The following HSPA12A variants were observed in gnomAD, a reference collection of about 807,000 sequenced individuals.
HSPA12A encodes the protein heat shock protein family A (Hsp70) member 12A, also known as heat shock 70 kDa protein 12A.
A neutral mutation model predicts 69.2 loss-of-function variants in HSPA12A; 28 were observed. That is an observed-to-expected ratio of 0.40 (90% CI 0.30 to 0.55). The LOEUF is 0.55. Among genes scored for constraint, HSPA12A ranks in the 20% least tolerant of loss-of-function variants. The pLI, the probability that HSPA12A is intolerant of heterozygous loss-of-function variation, is 0.38. For synonymous variants in HSPA12A, 345 were observed against 370.5 expected (o/e 0.93, Z 0.79); for missense variants, 686 against 900.7 (o/e 0.76, Z 3.05).
At position 116,723,338 on chromosome 10, in the gene HSPA12A, C is replaced by T. The variant is rs560750854; in HGVS notation, c.41-16053G>A. Among the ~76,000 whole-genome samples the T allele has an allele frequency of 5.9e-5, 9 of 152,226 alleles. No individual in the cohort carries two copies. In the East Asian group the frequency reaches 1.5e-3, roughly 26 times the overall value. ...GGCTGTCTGCAGGGAGAGAGGGGCC[C>T]GCTGACCTTCACGTGGGAGGATTTG... On this transcript the variant is annotated intron_variant, in intron 1 of 11. Transcript: ENST00000369209. The surrounding 1 kb of genome is among the most constrained non-coding windows in gnomAD (Gnocchi z 4.1).
chr10:116,716,922 T>C (rs900273744), intron 1 of HSPA12A, among the ~76,000 whole-genome samples: 2 of 152,172 alleles, frequency 1.3e-5, no homozygotes, highest in Non-Finnish European at 2.9e-5. Context: ...GGGTCAGATA[T>C]TCATGCGTTT....
chr10:116,837,136 A>G (rs1202362653), intron 1 of HSPA12A, among the ~76,000 whole-genome samples: 2 of 152,248 alleles, frequency 1.3e-5, no homozygotes, highest in African/African-American at 4.8e-5. Context: ...AGCTTTATTA[A>G]ATAGTCATTG....
intron 2 of HSPA12A, among the ~76,000 whole-genome samples, chr10:116,780,834 G>A (rs112977769): frequency 0.034 from 5,172 of 152,276 alleles, 161 homozygotes; most frequent in Non-Finnish European, 0.045. Context: ...TATGGGTGAC[G>A]AGTCACAGGC....
At chr10:116,777,205 C>A (rs1476207066) in intron 2 of HSPA12A, among the ~76,000 whole-genome samples, 9 of 152,216 alleles carry the variant, frequency 5.9e-5, no homozygotes, top group Admixed American at 5.9e-4. Context: ...GTGGTCCCCC[C>A]ACATCTGAGG....
intron 2 of HSPA12A, among the ~76,000 whole-genome samples, chr10:116,795,665 A>C (rs1446712608): frequency 7.3e-6 from 1 of 136,606 alleles, no homozygotes; most frequent in African/African-American, 2.7e-5. Context: ...CAGCATGGGC[A>C]ACAGTGAGAT....
chr10:116,834,882 GCAGTTATTT>G, intron 2 of HSPA12A: 1 of 991,826 alleles, frequency 1.0e-6, no homozygotes, highest in East Asian at 3.3e-5. Context: ...AGGTTCTGGG[GCAGTTATTT>G]CAGATGCCAG....
chr10:116,732,140 G>A (rs1851170476), intron 1 of HSPA12A, among the ~76,000 whole-genome samples: 1 of 151,940 alleles, frequency 6.6e-6, no homozygotes, highest in Admixed American at 6.6e-5. Context: ...AGACCAGCCT[G>A]GCCAACGTGA....
intron 2 of HSPA12A, among the ~76,000 whole-genome samples, chr10:116,790,855 T>A (rs571403991): frequency 1.3e-5 from 2 of 151,918 alleles, no homozygotes; most frequent in Non-Finnish European, 2.9e-5. Context: ...CACACACACC[T>A]AATTTTTGTA....
chr10:116,754,899 T>C (rs1843798110), intron 2 of HSPA12A, among the ~76,000 whole-genome samples: 1 of 152,232 alleles, frequency 6.6e-6, no homozygotes, highest in African/African-American at 2.4e-5. Flanking sequence ...TAGAAAACAC[T>C]GACCAGTTAG....
chr10:116,787,018 G>A (rs576441067), intron 2 of HSPA12A, among the ~76,000 whole-genome samples: 5 of 135,760 alleles, frequency 3.7e-5, no homozygotes, highest in African/African-American at 5.7e-5. Context: ...ATACACACAC[G>A]CACGCACTCA....
chr10:116,811,730 C>T (rs750690483), intron 2 of HSPA12A, among the ~76,000 whole-genome samples: 13 of 152,180 alleles, frequency 8.5e-5, no homozygotes, highest in Non-Finnish European at 1.3e-4. Context: ...GCCTGCGCTC[C>T]GTAGGGCTCT....
At chr10:116,702,027 G>A (rs1323556060) in intron 3 of HSPA12A, among the ~76,000 whole-genome samples, 2 of 152,068 alleles carry the variant, frequency 1.3e-5, no homozygotes, top group Non-Finnish European at 2.9e-5. Context: ...CAGCACTCTG[G>A]GGGGCCAAGG....
At chr10:116,720,689 A>G (rs782190907) in intron 1 of HSPA12A, among the ~76,000 whole-genome samples, 1 of 152,238 alleles carries the variant, frequency 6.6e-6, no homozygotes, top group Admixed American at 6.5e-5. Flanking sequence ...CACCTTTGAC[A>G]GGAGGGCAAA....
chr10:116,801,955 G>T (rs1257975574), intron 2 of HSPA12A, among the ~76,000 whole-genome samples: 1 of 152,122 alleles, frequency 6.6e-6, no homozygotes, highest in Non-Finnish European at 1.5e-5. Flanking sequence ...TGCAACTTCT[G>T]TGTGAGTCTA....
At chr10:116,728,985 T>A (rs782674314) in intron 1 of HSPA12A, among the ~76,000 whole-genome samples, 3 of 152,204 alleles carry the variant, frequency 2.0e-5, no homozygotes, top group Admixed American at 1.3e-4. Flanking sequence ...CACACATCCC[T>A]GCAGGCGGCC....
At chr10:116,717,136 A>G (rs1364139024) in intron 1 of HSPA12A, among the ~76,000 whole-genome samples, 3 of 152,118 alleles carry the variant, frequency 2.0e-5, no homozygotes, top group African/African-American at 4.8e-5. Flanking sequence ...GTGAATTACT[A>G]TCATTATTCC....
chr10:116,793,926 C>T (rs145890544), intron 2 of HSPA12A, among the ~76,000 whole-genome samples: 2,976 of 152,236 alleles, frequency 0.02, 95 homozygotes, highest in African/African-American at 0.068. Flanking sequence ...AGGCCGGGCA[C>T]GGTGGCTCAC....
intron 2 of HSPA12A, among the ~76,000 whole-genome samples, chr10:116,749,023 C>T (rs926303751): frequency 1.3e-5 from 2 of 152,112 alleles, no homozygotes; most frequent in Non-Finnish European, 2.9e-5. Flanking sequence ...TGCTTTCCTA[C>T]CTTGTGTCAT....
intron 2 of HSPA12A, among the ~76,000 whole-genome samples, chr10:116,802,113 C>T (rs1364834674): frequency 1.3e-5 from 2 of 152,214 alleles, no homozygotes; most frequent in Admixed American, 6.5e-5. Context: ...AAAACATGCT[C>T]ACCCAGCAAT....
Sources: allele counts gnomAD v4.1 joint callset (sites outside exome capture counted in the v4.1 genomes callset), GRCh38; gene constraint gnomAD v4.1.1; non-coding constraint Gnocchi (gnomAD v3.1); transcripts MANE v1.5; gene names NCBI Gene and HGNC (gene_info 2026-07-23, HGNC 2026-07-21).